Variants in TTBK2 observed in about 807,000 individuals in gnomAD.
The protein encoded by TTBK2 is tau-tubulin kinase 2.
Under a neutral mutation model 110.8 loss-of-function variants are expected in TTBK2, and 28 were observed. The ratio of observed to expected loss-of-function variants is 0.25; its 90% CI spans 0.19 to 0.35. The LOEUF (loss-of-function observed/expected upper bound fraction) is 0.35, where lower values mean the gene tolerates loss of function less well. TTBK2 is among the 10% of genes least tolerant of loss of function. The pLI is 1.00. For missense variants in TTBK2, 1,369 were observed against 1,500.3 expected (o/e 0.91, Z 1.45); for synonymous variants, 532 against 527.3 (o/e 1.01, Z -0.12).
chr15:42,915,847 TA>T (rs1427082063), intron 1 of TTBK2, among the ~76,000 whole-genome samples: 1 of 151,788 alleles, frequency 6.6e-6, no homozygotes, highest in African/African-American at 2.4e-5. Flanking sequence ...CCCAGGAGGC[TA>T]AGGGGGGAGG....
At chr15:42,810,471 C>T in intron 9 of TTBK2, 143 bp downstream of exon 9, 1 of 1,025,014 alleles carries the variant, frequency 9.8e-7, no homozygotes, top group East Asian at 2.6e-5. Flanking sequence ...AAGTTAATTT[C>T]ACCATGTTTC....
chr15:42,761,156 T>A (rs1186338024), intron 13 of TTBK2, among the ~76,000 whole-genome samples: 2 of 152,020 alleles, frequency 1.3e-5, no homozygotes, highest in African/African-American at 2.4e-5. Flanking sequence ...TAGACCCCCA[T>A]CTCTCACCTT....
intron 1 of TTBK2, among the ~76,000 whole-genome samples, chr15:42,905,114 TC>T (rs2030305699): frequency 6.6e-6 from 1 of 152,102 alleles, no homozygotes; most frequent in African/African-American, 2.4e-5. Flanking sequence ...TCAAGTGCTA[TC>T]CGCCCATCTT....
intron 6 of TTBK2, among the ~76,000 whole-genome samples, chr15:42,825,822 A>T (rs1450417033): frequency 5.3e-5 from 8 of 152,238 alleles, no homozygotes; most frequent in Non-Finnish European, 1.2e-4. Flanking sequence ...AAGACAGTAC[A>T]GATACAGAAC....
At chr15:42,774,031 G>GA (rs1401177603) in intron 13 of TTBK2, among the ~76,000 whole-genome samples, 1 of 152,180 alleles carries the variant, frequency 6.6e-6, no homozygotes, top group East Asian at 1.9e-4. Context: ...AGGAAAGAGG[G>GA]ACCTGCTAAC....
At chr15:42,850,857 G>GA (rs1038021899) in intron 3 of TTBK2, among the ~76,000 whole-genome samples, 9 of 151,394 alleles carry the variant, frequency 5.9e-5, no homozygotes, top group Non-Finnish European at 8.9e-5. Flanking sequence ...TTTAAAAGAA[G>GA]AAAAAAAAGC....
At chr15:42,763,483 G>A (rs1030599286) in intron 13 of TTBK2, among the ~76,000 whole-genome samples, 5 of 151,132 alleles carry the variant, frequency 3.3e-5, no homozygotes, top group African/African-American at 1.2e-4. Flanking sequence ...CAAAGTGCTG[G>A]GATTACAGGC....
intron 1 of TTBK2, among the ~76,000 whole-genome samples, chr15:42,902,122 A>G (rs2030067004): frequency 6.6e-6 from 1 of 151,842 alleles, no homozygotes; most frequent in South Asian, 2.1e-4. Context: ...AGGCTGAGGC[A>G]GGAGAACTGC....
intron 7 of TTBK2, among the ~76,000 whole-genome samples, chr15:42,815,889 T>A (rs1467200415): frequency 9.9e-6 from 1 of 100,910 alleles, no homozygotes; most frequent in Non-Finnish European, 1.8e-5. Context: ...TATATATATT[T>A]AAAAATATAT....
intron 13 of TTBK2, among the ~76,000 whole-genome samples, chr15:42,759,820 T>C (rs1394479570): frequency 6.6e-6 from 1 of 152,108 alleles, no homozygotes; most frequent in Non-Finnish European, 1.5e-5. Context: ...ACCAGATGCA[T>C]AGAAATCAAC....
Position 42,865,516 on chromosome 15 carries a change from A to T in TTBK2, c.217+7095T>A, listed in dbSNP as rs566138882. Among the ~76,000 whole-genome samples, 1,277 of 138,220 alleles carry T rather than the reference A, an allele frequency of 9.2e-3. 16 individuals carry two copies. The highest frequency in any genetic ancestry group is 0.034 in the African/African-American group (1,137 of 33,568). The allele number at this position is 138,220 out of a possible 152,430, so 90.7% of individuals were successfully genotyped here. On this transcript the variant is annotated intron_variant, in intron 3 of 14. Transcript: ENST00000267890. Reference sequence around the variant, plus strand: ...TGGAAGACAAAAATAATAATACTAAAAAAAAAAAAAAAACCAACAACAGGC... The same window carrying T: ...TGGAAGACAAAAATAATAATACTAATAAAAAAAAAAAAACCAACAACAGGC...
At chr15:42,815,378 T>G (rs552603398) in intron 7 of TTBK2, among the ~76,000 whole-genome samples, 8 of 152,242 alleles carry the variant, frequency 5.3e-5, no homozygotes, top group Non-Finnish European at 1.2e-4. Flanking sequence ...TATCATATAT[T>G]GGTCAAGTTC....
intron 14 of TTBK2, among the ~76,000 whole-genome samples, chr15:42,751,730 C>T (rs547935585): frequency 2.6e-5 from 4 of 152,248 alleles, no homozygotes; most frequent in African/African-American, 7.2e-5. Flanking sequence ...CGTGACAGAG[C>T]GAGACTCTGT....
chr15:42,763,894 G>C (rs1889229154), intron 13 of TTBK2, among the ~76,000 whole-genome samples: 1 of 152,162 alleles, frequency 6.6e-6, no homozygotes, highest in Admixed American at 6.5e-5. Context: ...CCCCAGACAA[G>C]TCACTCATTA....
Position 42,872,711 on chromosome 15 carries a change from C to T in TTBK2, c.117G>A (p.Leu39=), listed in dbSNP as rs368404766. ...CAACATTTTCCCTGGTGAGCATGTC[C>T]AAGGCATCGTAAATTTCTCCAAAGC... ...GGGFGEIYDA[L]DMLTRENVAL... Residue 39 remains leucine, a synonymous_variant, in exon 3 of 15, where the codon TTG becomes TTA. Coordinates refer to ENST00000267890, the MANE Select transcript of TTBK2 (RefSeq NM_173500.4). 1 of 1,613,896 alleles carries T rather than the reference C, an allele frequency of 6.2e-7. No individual in the cohort carries two copies. Among genetic ancestry groups the T allele is most frequent in the African/African-American group, 1.3e-5 (1 of 74,870 alleles).
intron 9 of TTBK2, among the ~76,000 whole-genome samples, chr15:42,805,303 T>C (rs944521072): frequency 6.6e-6 from 1 of 152,116 alleles, no homozygotes; most frequent in Non-Finnish European, 1.5e-5. Flanking sequence ...GGAGCTTATA[T>C]AATAAAGAGA....
At chr15:42,861,430 C>T (rs1894152772) in intron 3 of TTBK2, among the ~76,000 whole-genome samples, 1 of 152,038 alleles carries the variant, frequency 6.6e-6, no homozygotes, top group African/African-American at 2.4e-5. Flanking sequence ...AAATAGAAAT[C>T]AATACCAAAA....
chr15:42,756,880 C>CAAA (rs1567004593), intron 13 of TTBK2, among the ~76,000 whole-genome samples: 1 of 150,196 alleles, frequency 6.7e-6, no homozygotes, highest in African/African-American at 2.5e-5. Context: ...AAAACAAAAA[C>CAAA]AAAAACAAAA....
intron 1 of TTBK2, among the ~76,000 whole-genome samples, chr15:42,884,037 C>A (rs188260840): frequency 6.6e-6 from 1 of 152,028 alleles, no homozygotes; most frequent in African/African-American, 2.4e-5. Flanking sequence ...AAAAGAGATA[C>A]AGAACCATGG....
Sources: gnomAD v4.1 joint callset for allele counts (sites outside exome capture counted in the v4.1 genomes callset) on GRCh38, gnomAD v4.1.1 for gene constraint, MANE v1.5 for transcripts, NCBI Gene and HGNC (gene_info 2026-07-23, HGNC 2026-07-21) for gene names.